Variants in GRIK3 observed in about 807,000 individuals in gnomAD.
GRIK3 encodes glutamate ionotropic receptor kainate type subunit 3, also known as glutamate receptor ionotropic, kainate 3.
A neutral mutation model predicts 102.5 loss-of-function variants in GRIK3; 29 were observed. The observed-to-expected ratio is 0.28, with a 90% CI of 0.21 to 0.39. The LOEUF is 0.39. Among genes scored for constraint, GRIK3 ranks in the 10% least tolerant of loss-of-function variants. GRIK3 has a pLI of 1.00. For synonymous variants in GRIK3, 511 were observed against 504.9 expected (o/e 1.01, Z -0.16); for missense variants, 908 against 1,252.4 (o/e 0.73, Z 4.15).
intron 1 of GRIK3, among the ~76,000 whole-genome samples, chr1:36,952,430 A>C (rs1641856345): frequency 6.6e-6 from 1 of 152,258 alleles, no homozygotes; most frequent in African/African-American, 2.4e-5. Flanking sequence ...AAATAGGATC[A>C]GTCAAATCTG....
At chr1:36,869,629 C>T (rs1367580961) in intron 5 of GRIK3, 119 bp downstream of exon 5, 5 of 799,714 alleles carry the variant, frequency 6.3e-6, no homozygotes, top group Non-Finnish European at 8.8e-6. Flanking sequence ...GGGGCCACCC[C>T]TACAGCCTGA....
At chr1:36,867,449 C>A (rs943682661) in intron 5 of GRIK3, among the ~76,000 whole-genome samples, 2 of 152,130 alleles carry the variant, frequency 1.3e-5, no homozygotes, top group African/African-American at 4.8e-5. Context: ...GACTAGCTCC[C>A]ATATAGCTAA....
In GRIK3 at chr1:36,825,630, A is replaced by G; in HGVS notation, c.1727T>C (p.Val576Ala). ...GGCGATGACGAAGAGGACACAGCTGACCCCCAGGTAGGCGAGGAGAACATA... is the reference window on the plus strand; with the variant it reads ...GGCGATGACGAAGAGGACACAGCTGGCCCCCAGGTAGGCGAGGAGAACATA... Reference protein sequence around the residue: ...WMYVLLAYLGVSCVLFVIARF... With the variant: ...WMYVLLAYLGASCVLFVIARF... Residue 576 changes from valine to alanine, a missense_variant, in exon 11 of 16, where the codon GTC becomes GCC. Val to Ala is a moderately conservative substitution (Grantham distance 64). Transcript: ENST00000373091. 4 of 1,601,058 alleles carry G rather than the reference A, an allele frequency of 2.5e-6. No individual in the cohort carries two copies. The highest frequency in any genetic ancestry group is 3.4e-6 in the Non-Finnish European group (4 of 1,173,692).
At chr1:36,885,014 C>G (rs906863554) in intron 2 of GRIK3, among the ~76,000 whole-genome samples, 2 of 152,200 alleles carry the variant, frequency 1.3e-5, no homozygotes, top group Admixed American at 6.5e-5. Context: ...TATTTTGACA[C>G]AGACTGTGAG....
chr1:36,910,894 G>C (rs112934471), intron 1 of GRIK3, among the ~76,000 whole-genome samples: 2 of 152,168 alleles, frequency 1.3e-5, no homozygotes, highest in Admixed American at 6.5e-5. Context: ...GGAGGTGAGT[G>C]GGGGGGCATA....
intron 1 of GRIK3, among the ~76,000 whole-genome samples, chr1:36,914,744 G>A (rs905866746): frequency 1.3e-5 from 2 of 152,198 alleles, no homozygotes; most frequent in South Asian, 2.1e-4. Context: ...CCAAATGATG[G>A]ATTTTGCTTT....
intron 1 of GRIK3, among the ~76,000 whole-genome samples, chr1:36,928,356 C>T (rs547429576): frequency 6.6e-6 from 1 of 152,208 alleles, no homozygotes; most frequent in East Asian, 1.9e-4. Context: ...CCTGAGGATG[C>T]CATATTACCA....
intron 10 of GRIK3, among the ~76,000 whole-genome samples, chr1:36,826,623 G>A (rs559485023): frequency 6.6e-6 from 1 of 151,452 alleles, no homozygotes; most frequent in African/African-American, 2.4e-5. Flanking sequence ...GCAGTGAGCT[G>A]TGATCGTGCC....
At chr1:36,959,688 C>T (rs1370673160) in intron 1 of GRIK3, among the ~76,000 whole-genome samples, 2 of 117,630 alleles carry the variant, frequency 1.7e-5, no homozygotes, top group African/African-American at 3.0e-5. Context: ...TGCCCTGTGA[C>T]TCTGTGCCCC....
chr1:36,995,214 GC>G (rs1196849194), intron 1 of GRIK3, among the ~76,000 whole-genome samples: 1 of 152,150 alleles, frequency 6.6e-6, no homozygotes, highest in Non-Finnish European at 1.5e-5. Flanking sequence ...ACGTATACCT[GC>G]CACCCCATCA....
Position 36,864,841 on chromosome 1 carries a change from A to ATTT in GRIK3, c.787-4827_787-4825dup, listed in dbSNP as rs570003008. On this transcript the variant is annotated intron_variant, in intron 5 of 15. Transcript: ENST00000373091. ...TGAAGAGGCTCTTTTGTCCAGCTCC[A>ATTT]TTTTTTTTTTTTTTTTAATTCAGAC... is the stretch of plus-strand genomic sequence containing the variant. Among the ~76,000 whole-genome samples the ATTT allele has an allele frequency of 3.6e-3, 481 of 134,462 alleles. 4 individuals carry two copies. Among genetic ancestry groups the ATTT allele is most frequent in the African/African-American group, 0.012 (458 of 36,730 alleles). The allele number at this position is 134,462 out of a possible 152,430, so 88.2% of individuals were successfully genotyped here.
chr1:36,821,481 C>T (rs1642695040), intron 11 of GRIK3, among the ~76,000 whole-genome samples: 1 of 152,142 alleles, frequency 6.6e-6, no homozygotes, highest in African/African-American at 2.4e-5. Context: ...AGCGGATGGA[C>T]CTGGGAAGTG....
chr1:36,906,109 G>A (rs1266465361), intron 1 of GRIK3, among the ~76,000 whole-genome samples: 1 of 152,180 alleles, frequency 6.6e-6, no homozygotes, highest in Non-Finnish European at 1.5e-5. Context: ...CTGTCACTGG[G>A]CCCTGGGATA....
intron 1 of GRIK3, among the ~76,000 whole-genome samples, chr1:36,933,773 G>A (rs915925578): frequency 6.6e-6 from 1 of 152,216 alleles, no homozygotes; most frequent in Non-Finnish European, 1.5e-5. Context: ...AGATGCTGCT[G>A]TGTGACGGAG....
chr1:36,881,010 C>T, intron 2 of GRIK3, 119 bp from the exon 3 acceptor site: 1 of 1,074,284 alleles, frequency 9.3e-7, no homozygotes, highest in Non-Finnish European at 1.3e-6. Context: ...TCGGTGGGTG[C>T]ACAATGGATG....
At position 36,880,725 on chromosome 1, in the gene GRIK3, G is replaced by A. The variant is rs1250979084; in HGVS notation, c.459C>T (p.Tyr153=). 6.2e-7 allele frequency: 1 copy of A among 1,614,132 alleles called. No homozygotes were observed. The highest frequency in any genetic ancestry group is 1.7e-5 in the Admixed American group (1 of 60,034). Reference sequence around the variant, plus strand: ...CATGGCTGAGCGAGGCGTAGTCGGGGTAGAGGTTCACGTAGAAGGTGTCCT... The same window carrying A: ...CATGGCTGAGCGAGGCGTAGTCGGGATAGAGGTTCACGTAGAAGGTGTCCT... ...DNKDTFYVNL[Y]PDYASLSHAI... The change falls in exon 3 of 16, where the codon TAC becomes TAT. Residue 153 remains tyrosine (Y), a synonymous_variant. Coordinates refer to ENST00000373091, the MANE Select transcript of GRIK3 (RefSeq NM_000831.4). The surrounding 1 kb of genome is among the most constrained non-coding windows in gnomAD (Gnocchi z 5.4).
intron 1 of GRIK3, among the ~76,000 whole-genome samples, chr1:36,952,284 G>A (rs1570818376): frequency 6.6e-6 from 1 of 152,186 alleles, no homozygotes; most frequent in African/African-American, 2.4e-5. Flanking sequence ...CCTGACCACT[G>A]TCTTCAGTCC....
In GRIK3 at chr1:36,909,499, C is replaced by T. The variant is rs569962007; in HGVS notation, c.116-18403G>A. ...TATTTTTGGTAGAGACGGGGTTTCA[C>T]CACGTTGACCAGGCTGATTTCGAAC... On this transcript the variant is annotated intron_variant, in intron 1 of 15. Coordinates refer to ENST00000373091, the MANE Select transcript of GRIK3 (RefSeq NM_000831.4). 3.9e-3 allele frequency among the ~76,000 whole-genome samples: 599 copies of T among 152,288 alleles called. 4 individuals carry two copies. The highest frequency in any genetic ancestry group is 3.5e-3 in the Non-Finnish European group (236 of 68,012).
chr1:36,876,322 A>G (rs924292854), intron 3 of GRIK3, among the ~76,000 whole-genome samples: 9 of 152,184 alleles, frequency 5.9e-5, no homozygotes, highest in Admixed American at 1.3e-4. Flanking sequence ...GTGCCACTGC[A>G]TTCCAGCCTG....
Sources: gnomAD v4.1 joint callset for allele counts (sites outside exome capture counted in the v4.1 genomes callset) on GRCh38, gnomAD v4.1.1 for gene constraint, Gnocchi (gnomAD v3.1) non-coding constraint, MANE v1.5 for transcripts, NCBI Gene and HGNC (gene_info 2026-07-23, HGNC 2026-07-21) for gene names.